SYN2: variants seen among roughly 807,000 people sequenced by gnomAD.
SYN2 encodes the protein synapsin II.
A neutral mutation model predicts 50.9 loss-of-function variants in SYN2; 19 were observed. The observed-to-expected ratio is 0.37, with a 90% CI of 0.26 to 0.55. The LOEUF (loss-of-function observed/expected upper bound fraction) is 0.55. Ranked by LOEUF, SYN2 falls within the 20% of genes least tolerant of loss-of-function variation. The pLI is 0.81. For synonymous variants in SYN2, 255 were observed against 224.9 expected, an observed-to-expected ratio of 1.13 and a Z score of -1.20; for missense variants, 587 against 576.4, an observed-to-expected ratio of 1.02 and a Z score of -0.19.
intron 1 of SYN2, among the ~76,000 whole-genome samples, chr3:12,039,345 A>G (rs557596315): frequency 6.6e-6 from 1 of 152,220 alleles, no homozygotes; most frequent in Non-Finnish European, 1.5e-5. Flanking sequence ...TGTGTTTAGT[A>G]GATTTTCTGA....
rs568551419 is a variant in SYN2, at chr3:12,172,354, A to C, written c.1308+2448A>C. 2.8e-4 allele frequency among the ~76,000 whole-genome samples: 43 copies of C among 152,340 alleles called. 1 individual carries two copies. Among genetic ancestry groups the C allele is most frequent in the African/African-American group, 9.9e-4 (41 of 41,578 alleles). On this transcript the variant is annotated intron_variant, in intron 10 of 12. Transcript: ENST00000621198. The stretch of plus-strand genomic sequence containing the variant: ...AGACCCTCACTCCTAACATCACCTG[A>C]AAGTTCAGGAAGTTCCTAAAACCAC...
chr3:12,071,076 C>T (rs1470437402), intron 1 of SYN2: 1 of 561,464 alleles, frequency 1.8e-6, no homozygotes, highest in African/African-American at 1.9e-5. Context: ...CCACCTTCAA[C>T]TCCATCATGA....
chr3:12,100,042 G>A (rs1696038363), intron 1 of SYN2, among the ~76,000 whole-genome samples: 1 of 149,658 alleles, frequency 6.7e-6, no homozygotes, highest in Non-Finnish European at 1.5e-5. Context: ...CTAAATAAGT[G>A]GAAAGACATT....
At chr3:12,033,909 T>G (rs1694436578) in intron 1 of SYN2, among the ~76,000 whole-genome samples, 1 of 152,236 alleles carries the variant, frequency 6.6e-6, no homozygotes. Context: ...ATACTGCATT[T>G]TACTTGTCTA....
chr3:12,006,905 A>C (rs571091554), intron 1 of SYN2, among the ~76,000 whole-genome samples: 12 of 152,358 alleles, frequency 7.9e-5, no homozygotes, highest in African/African-American at 2.6e-4. Flanking sequence ...AAGAAAAGGA[A>C]GAGGAGAAAT....
chr3:12,020,234 A>T (rs1039100901), intron 1 of SYN2, among the ~76,000 whole-genome samples: 1 of 152,192 alleles, frequency 6.6e-6, no homozygotes, highest in Non-Finnish European at 1.5e-5. Context: ...TTTCTTAGCC[A>T]GAACTCAGAG....
intron 10 of SYN2, among the ~76,000 whole-genome samples, chr3:12,170,459 T>C (rs962744285): frequency 6.6e-6 from 1 of 152,228 alleles, no homozygotes; most frequent in Non-Finnish European, 1.5e-5. Flanking sequence ...TTGGCTGTAG[T>C]GCATGACTCA....
intron 1 of SYN2, among the ~76,000 whole-genome samples, chr3:12,036,894 T>G (rs1200688751): frequency 1.3e-5 from 2 of 152,234 alleles, no homozygotes; most frequent in Non-Finnish European, 2.9e-5. Context: ...CACTTTACTA[T>G]AAGGGGCCAA....
At chr3:12,026,540 A>T (rs1018917372) in intron 1 of SYN2, among the ~76,000 whole-genome samples, 6 of 152,184 alleles carry the variant, frequency 3.9e-5, no homozygotes, top group African/African-American at 1.4e-4. Context: ...AGTTGGACTT[A>T]AAGGAAGAAT....
chr3:12,158,947 G>A (rs1697553174), intron 5 of SYN2: 4 of 1,395,482 alleles, frequency 2.9e-6, no homozygotes, highest in Non-Finnish European at 3.7e-6. Flanking sequence ...TTTATGAGGT[G>A]GCCCTAAGGG....
chr3:12,175,452 T>G (rs945873984), intron 10 of SYN2, among the ~76,000 whole-genome samples: 2 of 152,228 alleles, frequency 1.3e-5, no homozygotes, highest in Non-Finnish European at 2.9e-5. Flanking sequence ...TTGTCACCAT[T>G]CCTCACAGGC....
At position 12,190,764 on chromosome 3, in the gene SYN2, A is replaced by G. The variant is rs1698430886; in HGVS notation, c.*139A>G. The G allele has an allele frequency of 3.5e-6, 5 of 1,430,848 alleles. No individual in the cohort carries two copies. Among genetic ancestry groups the G allele is most frequent in the African/African-American group, 1.5e-5 (1 of 68,882 alleles). 88.6% of individuals were successfully genotyped at this position (1,430,848 alleles called of 1,614,324 possible). On this transcript the variant is annotated 3_prime_UTR_variant, in exon 13 of 13. Transcript: ENST00000621198. Reference sequence around the variant, plus strand: ...TTCCTCTGCTCTGTTGTACTAAGTGATGTTGTGCAGCCCAGAAAGGACCAT... The same window carrying G: ...TTCCTCTGCTCTGTTGTACTAAGTGGTGTTGTGCAGCCCAGAAAGGACCAT...
chr3:12,045,324 G>T (rs1287810692), intron 1 of SYN2, among the ~76,000 whole-genome samples: 1 of 152,176 alleles, frequency 6.6e-6, no homozygotes, highest in African/African-American at 2.4e-5. Flanking sequence ...AAAAGGAGTA[G>T]ATAAAAAGTG....
chr3:12,099,881 C>T (rs892356003), intron 1 of SYN2, among the ~76,000 whole-genome samples: 48 of 147,272 alleles, frequency 3.3e-4, no homozygotes, highest in African/African-American at 1.0e-3. Flanking sequence ...AGGAGAATGG[C>T]GTGAACCCGG....
rs1698093267 is a variant in SYN2, at chr3:12,177,146, A to G, written c.1309-6166A>G. ...CTGGTGTCTGGTGGGACATTCTACC[A>G]GTCCTTTTTTGTACTGGTTCTCTGG... On this transcript the variant is annotated intron_variant, in intron 10 of 12. Coordinates refer to ENST00000621198, the MANE Select transcript of SYN2 (RefSeq NM_133625.6). Among the ~76,000 whole-genome samples the G allele has an allele frequency of 2.6e-5, 4 of 152,186 alleles. 1 individual carries two copies. The South Asian group carries it at 8.3e-4, about 32-fold the overall frequency.
At chr3:12,096,269 C>G (rs759734761) in intron 1 of SYN2, among the ~76,000 whole-genome samples, 7 of 152,148 alleles carry the variant, frequency 4.6e-5, no homozygotes, top group Non-Finnish European at 8.8e-5. Flanking sequence ...GGAAAGAGAT[C>G]TCCTAAAAAT....
At chr3:12,043,002 C>CA (rs1055978847) in intron 1 of SYN2, among the ~76,000 whole-genome samples, 4 of 151,450 alleles carry the variant, frequency 2.6e-5, no homozygotes, top group Admixed American at 2.0e-4. Flanking sequence ...CCCCCCACAC[C>CA]TTTTTTTTCC....
chr3:12,121,277 C>T (rs1313847822), intron 1 of SYN2, among the ~76,000 whole-genome samples: 4 of 152,168 alleles, frequency 2.6e-5, no homozygotes, highest in Non-Finnish European at 2.9e-5. Context: ...AGCCGAGTCT[C>T]GTACTAGACA....
chr3:12,070,838 A>C, intron 1 of SYN2: 1 of 592,290 alleles, frequency 1.7e-6, no homozygotes. Context: ...TACAGCTTCA[A>C]CACCATGGCT....
Sources: allele counts gnomAD v4.1 joint callset (sites outside exome capture counted in the v4.1 genomes callset), GRCh38; gene constraint gnomAD v4.1.1; transcripts MANE v1.5; gene names NCBI Gene and HGNC (gene_info 2026-07-23, HGNC 2026-07-21).